TRAPPC12: variants seen among roughly 807,000 people sequenced by gnomAD.
The protein encoded by TRAPPC12 is trafficking protein particle complex subunit 12, also known as TPR repeat protein 15.
A neutral mutation model predicts 69.2 loss-of-function variants in TRAPPC12; 61 were observed. That is an observed-to-expected ratio of 0.88 (90% CI 0.72 to 1.09). TRAPPC12 has a LOEUF of 1.09. Ranked by LOEUF, TRAPPC12 falls within the 50% of genes least tolerant of loss-of-function variation. The probability of loss-of-function intolerance (pLI) is 0.00; values close to 1 mark genes in which losing one functional copy is unlikely to be tolerated. For synonymous variants in TRAPPC12, 469 were observed against 438.9 expected, an observed-to-expected ratio of 1.07 and a Z score of -0.86; for missense variants, 1,101 against 1,016.4, an observed-to-expected ratio of 1.08 and a Z score of -1.13.
chr2:3,389,198 C>T (rs1052477434), intron 2 of TRAPPC12, among the ~76,000 whole-genome samples: 1 of 152,286 alleles, frequency 6.6e-6, no homozygotes, highest in Non-Finnish European at 1.5e-5. Flanking sequence ...TTTTCGGTGC[C>T]GCTTTGCCAG....
At chr2:3,467,180 C>G (rs1665854166) in intron 9 of TRAPPC12, among the ~76,000 whole-genome samples, 1 of 152,174 alleles carries the variant, frequency 6.6e-6, no homozygotes, top group Non-Finnish European at 1.5e-5. Context: ...AATGTGCTAA[C>G]CAGGCTGCAA....
At chr2:3,422,549 T>G (rs1662870574) in intron 4 of TRAPPC12, among the ~76,000 whole-genome samples, 4 of 152,262 alleles carry the variant, frequency 2.6e-5, no homozygotes, top group Admixed American at 2.6e-4. Flanking sequence ...GTTTTTTAAC[T>G]GTTCTTCTAG....
intron 7 of TRAPPC12, among the ~76,000 whole-genome samples, chr2:3,459,221 G>A (rs1364085709): frequency 2.6e-5 from 4 of 152,220 alleles, no homozygotes; most frequent in African/African-American, 9.6e-5. Flanking sequence ...CACTCCCAGG[G>A]CCTGGTGCTG....
At chr2:3,469,074 C>G (rs1665950379) in intron 9 of TRAPPC12, among the ~76,000 whole-genome samples, 1 of 152,192 alleles carries the variant, frequency 6.6e-6, no homozygotes, top group Non-Finnish European at 1.5e-5. Flanking sequence ...ACGTAGCGCT[C>G]AATGCCTACT....
In TRAPPC12 at chr2:3,388,415, C is replaced by T; in HGVS notation, c.792C>T (p.Ala264=). 6.2e-7 allele frequency: 1 copy of T among 1,604,512 alleles called. No individual in the cohort carries two copies. Among genetic ancestry groups the T allele is most frequent in the Non-Finnish European group, 8.5e-7 (1 of 1,175,714 alleles). ...CCGAGGGGCGCCCCGAACCCGTGGC[C>T]ATGCGAGGGCCCCAGGCAGCTGCGC... ...PGTEGRPEPV[A]MRGPQAAAPP... is the part of the protein sequence containing the mutation. Residue 264 remains alanine (A), a synonymous_variant, in exon 2 of 12, where the codon GCC becomes GCT. Coordinates refer to ENST00000324266, the MANE Select transcript of TRAPPC12 (RefSeq NM_016030.6).
At chr2:3,465,551 A>G (rs1206514347) in intron 8 of TRAPPC12, 46 bp from the exon 9 acceptor site, 3 of 1,326,288 alleles carry the variant, frequency 2.3e-6, no homozygotes, top group South Asian at 2.3e-5. Context: ...TGAAACCCAC[A>G]GTGCTGTTCT....
intron 2 of TRAPPC12, among the ~76,000 whole-genome samples, chr2:3,393,113 T>A (rs55724550): frequency 0.24 from 36,658 of 150,370 alleles, 4,553 homozygotes; most frequent in Middle Eastern, 0.35. Context: ...TGTCTCTTTT[T>A]AAAAAAAAAA....
chr2:3,450,077 C>G (rs528232220), intron 6 of TRAPPC12, among the ~76,000 whole-genome samples: 1 of 152,220 alleles, frequency 6.6e-6, no homozygotes, highest in South Asian at 2.1e-4. Flanking sequence ...AAATTCACAC[C>G]TTCAGAAACC....
At chr2:3,415,536 T>C (rs1391771454) in intron 3 of TRAPPC12, among the ~76,000 whole-genome samples, 1 of 151,478 alleles carries the variant, frequency 6.6e-6, no homozygotes, top group Non-Finnish European at 1.5e-5. Context: ...CCCAAGTAGC[T>C]GGGATTACAG....
At chr2:3,389,396 C>T (rs1044182769) in intron 2 of TRAPPC12, among the ~76,000 whole-genome samples, 1 of 152,342 alleles carries the variant, frequency 6.6e-6, no homozygotes, top group African/African-American at 2.4e-5. Flanking sequence ...GCTGCTCCAA[C>T]CGCCAGCATA....
chr2:3,432,350 C>T (rs1251490953), intron 5 of TRAPPC12, among the ~76,000 whole-genome samples: 6 of 152,240 alleles, frequency 3.9e-5, no homozygotes, highest in Non-Finnish European at 8.8e-5. Context: ...CAGCTGTCTG[C>T]TCCTCTATGT....
chr2:3,400,041 T>A (rs1268953774), intron 2 of TRAPPC12, among the ~76,000 whole-genome samples: 1 of 152,184 alleles, frequency 6.6e-6, no homozygotes, highest in East Asian at 1.9e-4. Flanking sequence ...CTTGGGGTTG[T>A]CCTAGTTTGA....
intron 6 of TRAPPC12, among the ~76,000 whole-genome samples, chr2:3,449,013 A>G (rs1007839200): frequency 6.6e-6 from 1 of 152,256 alleles, no homozygotes; most frequent in Non-Finnish European, 1.5e-5. Flanking sequence ...AAACGAGTTC[A>G]GGGTACTTCG....
chr2:3,387,545 A>G (rs1660548465), intron 1 of TRAPPC12, 75 bp from the exon 2 acceptor site: 5 of 1,153,176 alleles, frequency 4.3e-6, no homozygotes, highest in African/African-American at 3.1e-5. Context: ...ATTTGAATCT[A>G]TAAGCAATAC....
rs945348903 is a variant in TRAPPC12, at chr2:3,386,705, T to G, written c.-4-915T>G. On this transcript the variant is annotated intron_variant, in intron 1 of 11. Coordinates refer to ENST00000324266, the MANE Select transcript of TRAPPC12 (RefSeq NM_016030.6). ...CAGGCAGATAATATGAGCTGGGGCG[T>G]GGGGCGGGGGTAGGGGCGGACGGCA... 7.0e-5 allele frequency among the ~76,000 whole-genome samples: 10 copies of G among 142,834 alleles called. 1 individual carries two copies. In the East Asian group the frequency reaches 2.3e-3, roughly 33 times the overall value. The allele number at this position is 142,834 out of a possible 152,430, so 93.7% of individuals were successfully genotyped here.
chr2:3,441,703 A>G (rs913182018), intron 5 of TRAPPC12, among the ~76,000 whole-genome samples: 1 of 150,108 alleles, frequency 6.7e-6, no homozygotes, highest in African/African-American at 2.4e-5. Flanking sequence ...TTATAATAAA[A>G]TAATATTTTT....
rs779385032 is a variant in TRAPPC12, at chr2:3,387,766, ACGAGAC to A, written c.146_151del (p.Glu49_Thr50del). ...GGAGATGAGTTTGGATCCGAAGAGA[ACGAGAC>A]CGCATCGGAAGGCTCGAGTCCTCTC... On this transcript the variant is annotated inframe_deletion, in exon 2 of 12. Coordinates refer to ENST00000324266, the MANE Select transcript of TRAPPC12 (RefSeq NM_016030.6). The A allele has an allele frequency of 6.2e-7, 1 of 1,612,880 alleles. No individual in the cohort carries two copies. The highest frequency in any genetic ancestry group is 8.5e-7 in the Non-Finnish European group (1 of 1,179,366).
At chr2:3,435,894 G>A (rs112065185) in intron 5 of TRAPPC12, among the ~76,000 whole-genome samples, 8 of 152,324 alleles carry the variant, frequency 5.3e-5, no homozygotes, top group Non-Finnish European at 8.8e-5. Context: ...CCGATTACCT[G>A]TTTTAATTTG....
Position 3,388,437 on chromosome 2 carries a change from G to A in TRAPPC12, c.814G>A (p.Ala272Thr). 1 of 1,607,500 alleles carries A rather than the reference G, an allele frequency of 6.2e-7. No individual in the cohort carries two copies. The highest frequency in any genetic ancestry group is 8.5e-7 in the Non-Finnish European group (1 of 1,177,458). ...GGCCATGCGAGGGCCCCAGGCAGCTGCGCCCCCGGCGTCGCCAGAGCCTTT... is the reference window on the plus strand; with the variant it reads ...GGCCATGCGAGGGCCCCAGGCAGCTACGCCCCCGGCGTCGCCAGAGCCTTT... ...PVAMRGPQAA[A>T]PPASPEPFAH... Residue 272 changes from alanine (A) to threonine (T), a missense_variant, in exon 2 of 12, where the codon GCG (alanine) becomes ACG (threonine). By Grantham distance (58) the Ala-to-Thr change is moderately conservative. Transcript: ENST00000324266.
Sources: gnomAD v4.1 joint callset for allele counts (sites outside exome capture counted in the v4.1 genomes callset) on GRCh38, gnomAD v4.1.1 for gene constraint, MANE v1.5 for transcripts, NCBI Gene and HGNC (gene_info 2026-07-23, HGNC 2026-07-21) for gene names.